The following TAF3 variants were observed in gnomAD, a reference collection of about 807,000 sequenced individuals.
The protein encoded by TAF3 is TATA-box binding protein associated factor 3.
TAF3 carries 7 observed loss-of-function variants against 80.6 expected under a neutral mutation model. That is an observed-to-expected ratio of 0.09 (90% CI 0.05 to 0.16). The LOEUF is 0.16. Ranked by LOEUF, TAF3 falls within the 10% of genes least tolerant of loss-of-function variation. TAF3 has a pLI of 1.00. For synonymous variants in TAF3, 444 were observed against 446.1 expected, an observed-to-expected ratio of 1.00 and a Z score of 0.06; for missense variants, 921 against 1,140.2, an observed-to-expected ratio of 0.81 and a Z score of 2.77.
At chr10:7,891,657 G>A (rs1329513421) in intron 2 of TAF3, among the ~76,000 whole-genome samples, 2 of 152,078 alleles carry the variant, frequency 1.3e-5, no homozygotes, top group South Asian at 4.1e-4. Flanking sequence ...TTTGATTATG[G>A]TATAAGGCAG....
intron 2 of TAF3, among the ~76,000 whole-genome samples, chr10:7,890,604 A>G (rs975585503): frequency 6.6e-6 from 1 of 152,208 alleles, no homozygotes; most frequent in Admixed American, 6.5e-5. Flanking sequence ...TGATTGTCTG[A>G]TTAGAATTTA....
intron 4 of TAF3, among the ~76,000 whole-genome samples, chr10:7,983,055 G>A (rs1050850167): frequency 5.3e-5 from 8 of 152,150 alleles, no homozygotes; most frequent in Non-Finnish European, 1.0e-4. Flanking sequence ...TGACTTCGGC[G>A]GGGCCACCTG....
At chr10:7,931,218 A>G (rs1298699692) in intron 2 of TAF3, among the ~76,000 whole-genome samples, 1 of 152,190 alleles carries the variant, frequency 6.6e-6, no homozygotes, top group East Asian at 1.9e-4. Flanking sequence ...AATAACTCAG[A>G]GTCAGTTTTG....
intron 3 of TAF3, among the ~76,000 whole-genome samples, chr10:7,975,395 A>T (rs1333303826): frequency 6.6e-6 from 1 of 152,240 alleles, no homozygotes; most frequent in Non-Finnish European, 1.5e-5. Context: ...CTAGGGTCAG[A>T]TCCTGAAACA....
chr10:7,838,330 C>G (rs1404631937), intron 2 of TAF3, among the ~76,000 whole-genome samples: 2 of 151,826 alleles, frequency 1.3e-5, no homozygotes, highest in African/African-American at 4.8e-5. Flanking sequence ...CTGTCCTAAG[C>G]AGAAGAGTAC....
At chr10:7,942,237 A>G (rs1395342085) in intron 2 of TAF3, among the ~76,000 whole-genome samples, 2 of 152,200 alleles carry the variant, frequency 1.3e-5, no homozygotes, top group Admixed American at 1.3e-4. Context: ...CGTTTTGTCG[A>G]TTTCAGTCGA....
At chr10:7,992,766 G>A (rs886811638) in intron 4 of TAF3, among the ~76,000 whole-genome samples, 2 of 152,084 alleles carry the variant, frequency 1.3e-5, no homozygotes, top group Admixed American at 1.3e-4. Flanking sequence ...TTCTAAAAAA[G>A]TTTTTATTAA....
intron 2 of TAF3, among the ~76,000 whole-genome samples, chr10:7,947,273 C>G (rs1838034007): frequency 6.6e-6 from 1 of 152,144 alleles, no homozygotes; most frequent in Admixed American, 6.5e-5. Context: ...CACGGCCCCT[C>G]CAGCCCCCAC....
chr10:7,832,185 T>TATCCCCAC (rs973128549), intron 2 of TAF3, among the ~76,000 whole-genome samples: 3 of 152,170 alleles, frequency 2.0e-5, no homozygotes, highest in African/African-American at 7.2e-5. Flanking sequence ...ATCATCTCTG[T>TATCCCCAC]ATCCCCACAT....
intron 2 of TAF3, among the ~76,000 whole-genome samples, chr10:7,910,314 G>T (rs1340226008): frequency 2.0e-5 from 3 of 152,020 alleles, no homozygotes; most frequent in African/African-American, 7.2e-5. Flanking sequence ...AGAAAATACT[G>T]CTACAACATA....
intron 2 of TAF3, among the ~76,000 whole-genome samples, chr10:7,839,402 C>G (rs758447776): frequency 7.2e-5 from 11 of 152,190 alleles, no homozygotes; most frequent in Non-Finnish European, 1.5e-4. Context: ...TCCTGCTACT[C>G]TATGAGAGTT....
intron 3 of TAF3, among the ~76,000 whole-genome samples, chr10:7,968,281 G>A (rs566876065): frequency 5.9e-5 from 9 of 152,246 alleles, no homozygotes; most frequent in South Asian, 2.1e-4. Flanking sequence ...TCATCATCCT[G>A]ACCAAGAGCA....
Position 7,965,654 on chromosome 10 carries a change from A to C in TAF3, c.2144A>C (p.Glu715Ala), listed in dbSNP as rs1229219349. ...GAGAAGAAGAAAAAGAAGGAAAAAG[A>C]GAAGGAGAAGAAGGAGAAGGAAAGA... ...KKEKKKKKEK[E>A]KEKKEKEREK... The change falls in exon 3 of 7, where the codon GAG becomes GCG. Residue 715 changes from glutamate to alanine, a missense_variant. Around this residue, in one of 6 missense-constraint regions of TAF3, gnomAD observed 743 missense variants for 821.0 expected, o/e 0.90. Coordinates refer to ENST00000344293, the MANE Select transcript of TAF3 (RefSeq NM_031923.4). 1 of 1,595,372 alleles carries C rather than the reference A, an allele frequency of 6.3e-7. No individual in the cohort carries two copies. The highest frequency in any genetic ancestry group is 2.2e-5 in the East Asian group (1 of 44,564).
chr10:7,942,125 A>G (rs143740301), intron 2 of TAF3, among the ~76,000 whole-genome samples: 23 of 152,240 alleles, frequency 1.5e-4, no homozygotes, highest in East Asian at 3.9e-4. Context: ...GTAATGTTCT[A>G]TTAGTTATGT....
At chr10:7,972,532 A>G (rs1831631160) in intron 3 of TAF3, among the ~76,000 whole-genome samples, 1 of 152,202 alleles carries the variant, frequency 6.6e-6, no homozygotes, top group African/African-American at 2.4e-5. Context: ...AGATGATACA[A>G]ACACTGTAAT....
At chr10:7,953,790 A>G (rs1220939334) in intron 2 of TAF3, among the ~76,000 whole-genome samples, 3 of 152,204 alleles carry the variant, frequency 2.0e-5, no homozygotes, top group Non-Finnish European at 4.4e-5. Flanking sequence ...AAATGAATGA[A>G]TTAGTCCTAG....
intron 2 of TAF3, among the ~76,000 whole-genome samples, chr10:7,920,850 T>C (rs1221902485): frequency 1.3e-5 from 2 of 152,246 alleles, no homozygotes; most frequent in African/African-American, 4.8e-5. Context: ...TTAATAATTT[T>C]TTTAACAGTG....
At chr10:7,972,806 A>G (rs1383888574) in intron 3 of TAF3, among the ~76,000 whole-genome samples, 1 of 152,220 alleles carries the variant, frequency 6.6e-6, no homozygotes, top group Non-Finnish European at 1.5e-5. Context: ...GGTTGAGTGA[A>G]GGTGGGGCCA....
At chr10:7,918,166 T>C (rs1837729761) in intron 2 of TAF3, among the ~76,000 whole-genome samples, 2 of 152,104 alleles carry the variant, frequency 1.3e-5, no homozygotes, top group South Asian at 4.1e-4. Context: ...TTTTTACTAA[T>C]GAAATGCGTA....
Sources: gnomAD v4.1 joint callset for allele counts (sites outside exome capture counted in the v4.1 genomes callset) on GRCh38, gnomAD v4.1.1 for gene constraint, gnomAD v4.1.1 regional missense constraint, MANE v1.5 for transcripts, NCBI Gene and HGNC (gene_info 2026-07-23, HGNC 2026-07-21) for gene names.